Variants in PRR16 observed in about 807,000 individuals in gnomAD.
The protein encoded by PRR16 is protein Largen.
A neutral mutation model predicts 18.2 loss-of-function variants in PRR16; 6 were observed. That is an observed-to-expected ratio of 0.33 (90% CI 0.18 to 0.65). PRR16 has a LOEUF of 0.65. Among genes scored for constraint, PRR16 ranks in the 30% least tolerant of loss-of-function variants. The pLI is 0.74. For synonymous variants in PRR16, 151 were observed against 147.8 expected, an observed-to-expected ratio of 1.02 and a Z score of -0.16; for missense variants, 412 against 376.6, an observed-to-expected ratio of 1.09 and a Z score of -0.78.
chr5:120,614,148 C>T (rs917589273), intron 1 of PRR16, among the ~76,000 whole-genome samples: 2 of 152,120 alleles, frequency 1.3e-5, no homozygotes, highest in Admixed American at 1.3e-4. Flanking sequence ...TGACCCTGCA[C>T]GTGAGACATG....
At chr5:120,475,255 C>T (rs1329000563) in intron 1 of PRR16, among the ~76,000 whole-genome samples, 1 of 152,134 alleles carries the variant, frequency 6.6e-6, no homozygotes, top group Non-Finnish European at 1.5e-5. Context: ...GACCTGCTTC[C>T]CAATTCCTGG....
At chr5:120,466,179 T>C (rs943829080) in intron 1 of PRR16, among the ~76,000 whole-genome samples, 12 of 152,318 alleles carry the variant, frequency 7.9e-5, no homozygotes, top group Admixed American at 7.2e-4. Flanking sequence ...GCTTCACAAC[T>C]GGTTGACAGA....
the PRR16 span, among the ~76,000 whole-genome samples, chr5:120,792,441 A>C: frequency 6.6e-6 from 1 of 152,124 alleles, no homozygotes; most frequent in African/African-American, 2.4e-5. Context: ...TTCATCTTCA[A>C]CTTTTAAACC....
the PRR16 span, among the ~76,000 whole-genome samples, chr5:120,791,745 TCAAA>T: frequency 1.3e-5 from 2 of 152,022 alleles, no homozygotes; most frequent in East Asian, 1.9e-4. Flanking sequence ...AGTGTACAAT[TCAAA>T]CAAATTGCTT....
At chr5:120,581,040 T>G (rs2112754710) in intron 1 of PRR16, among the ~76,000 whole-genome samples, 1 of 152,308 alleles carries the variant, frequency 6.6e-6, no homozygotes, top group South Asian at 2.1e-4. Flanking sequence ...CTTTATAAAA[T>G]TAGTTAGAGA....
chr5:120,505,257 G>C (rs993337779), intron 1 of PRR16, among the ~76,000 whole-genome samples: 1 of 152,068 alleles, frequency 6.6e-6, no homozygotes, highest in Non-Finnish European at 1.5e-5. Context: ...AATACTGAAG[G>C]GGTCTTTAAT....
At chr5:120,721,844 T>C in the PRR16 span, among the ~76,000 whole-genome samples, 5 of 152,180 alleles carry the variant, frequency 3.3e-5, no homozygotes, top group East Asian at 1.9e-4. Context: ...GATAGCCCCA[T>C]TGGAAGTTAT....
chr5:120,735,663 TTTG>T, the PRR16 span, among the ~76,000 whole-genome samples: 4 of 151,528 alleles, frequency 2.6e-5, no homozygotes, highest in East Asian at 1.9e-4. Flanking sequence ...TACTCATATT[TTTG>T]TTGTTGTTGT....
At chr5:120,475,802 A>G (rs1309067177) in intron 1 of PRR16, among the ~76,000 whole-genome samples, 1 of 152,308 alleles carries the variant, frequency 6.6e-6, no homozygotes, top group African/African-American at 2.4e-5. Flanking sequence ...GTACTGGGCT[A>G]TTCCATATAG....
chr5:120,527,444 G>A (rs1332477196), intron 1 of PRR16, among the ~76,000 whole-genome samples: 5 of 152,176 alleles, frequency 3.3e-5, no homozygotes, highest in Non-Finnish European at 7.3e-5. Flanking sequence ...CACAGCTGTG[G>A]TTTGCTGACC....
At chr5:120,537,784 T>A (rs1380732445) in intron 1 of PRR16, among the ~76,000 whole-genome samples, 1 of 145,340 alleles carries the variant, frequency 6.9e-6, no homozygotes, top group Non-Finnish European at 1.5e-5. Flanking sequence ...TTTTTTTTTT[T>A]TTTTTTTTTT....
At chr5:120,739,855 G>T in the PRR16 span, among the ~76,000 whole-genome samples, 1 of 152,072 alleles carries the variant, frequency 6.6e-6, no homozygotes, top group Non-Finnish European at 1.5e-5. Context: ...AGGCAGTAGA[G>T]TTCTGGAAGC....
chr5:120,516,309 C>T lies in PRR16; in HGVS notation c.159+51664C>T, dbSNP rs148066356. ...GTGTGGTGGCGGGTACCTGTAGTCCCAGCTACTCGGGAGGCTGCGGCACAA... is the reference window on the plus strand; with the variant it reads ...GTGTGGTGGCGGGTACCTGTAGTCCTAGCTACTCGGGAGGCTGCGGCACAA... On this transcript the variant is annotated intron_variant, in intron 1 of 1. Transcript: ENST00000407149. Among the ~76,000 whole-genome samples the T allele has an allele frequency of 5.9e-5, 9 of 151,636 alleles. No homozygotes were observed. In the East Asian group the frequency reaches 1.8e-3, roughly 30 times the overall value.
At chr5:120,745,957 C>T in the PRR16 span, among the ~76,000 whole-genome samples, 2 of 151,206 alleles carry the variant, frequency 1.3e-5, no homozygotes, top group African/African-American at 2.4e-5. Context: ...AGTGATTCAC[C>T]CATCTTTGCC....
At chr5:120,599,689 T>A (rs1283730070) in intron 1 of PRR16, among the ~76,000 whole-genome samples, 1 of 151,944 alleles carries the variant, frequency 6.6e-6, no homozygotes, top group African/African-American at 2.4e-5. Context: ...TTATTTTTGC[T>A]TGTGTTTTTC....
chr5:120,628,733 TCTATCTA>T (rs1754957769), intron 1 of PRR16, among the ~76,000 whole-genome samples: 1 of 151,706 alleles, frequency 6.6e-6, no homozygotes, highest in Non-Finnish European at 1.5e-5. Context: ...TATCTATCTA[TCTATCTA>T]TCTATCTATC....
At chr5:120,734,139 A>C in the PRR16 span, among the ~76,000 whole-genome samples, 1 of 152,178 alleles carries the variant, frequency 6.6e-6, no homozygotes, top group Admixed American at 6.5e-5. Context: ...ACATGTGTTC[A>C]TTCCTCTCTT....
chr5:120,548,821 C>T (rs572493393), intron 1 of PRR16, among the ~76,000 whole-genome samples: 1 of 97,616 alleles, frequency 1.0e-5, no homozygotes, highest in African/African-American at 3.8e-5. Context: ...CACTGCGTGA[C>T]TGCCATCCTA....
the PRR16 span, among the ~76,000 whole-genome samples, chr5:120,700,123 AGTATATGG>A: frequency 6.6e-6 from 1 of 152,180 alleles, no homozygotes; most frequent in South Asian, 2.1e-4. Flanking sequence ...AGGATAGGAG[AGTATATGG>A]GTTTGGCACC....
Sources: gnomAD v4.1 joint callset for allele counts (sites outside exome capture counted in the v4.1 genomes callset) on GRCh38, gnomAD v4.1.1 for gene constraint, MANE v1.5 for transcripts, NCBI Gene and HGNC (gene_info 2026-07-23, HGNC 2026-07-21) for gene names.